HTRA4: variants seen among roughly 807,000 people sequenced by gnomAD.
HTRA4 encodes the protein HtrA serine peptidase 4.
In HTRA4, 46 loss-of-function variants were observed where a neutral mutation model predicts 49.1. The observed-to-expected ratio is 0.94, with a 90% CI of 0.74 to 1.20. The LOEUF is 1.20. HTRA4 is among the 50% of genes most tolerant of loss of function. The pLI is 0.00. For synonymous variants in HTRA4, 261 were observed against 264.0 expected, an observed-to-expected ratio of 0.99 and a Z score of 0.11; for missense variants, 602 against 636.9, an observed-to-expected ratio of 0.95 and a Z score of 0.59.
At chr8:38,975,736 C>T (rs1452345155) in intron 2 of HTRA4, among the ~76,000 whole-genome samples, 3 of 152,156 alleles carry the variant, frequency 2.0e-5, no homozygotes, top group African/African-American at 7.2e-5. Context: ...TGATCTTGCT[C>T]AGCCCCCACT....
intron 6 of HTRA4, among the ~76,000 whole-genome samples, chr8:38,982,040 G>A (rs534314321): frequency 3.9e-5 from 6 of 152,104 alleles, no homozygotes; most frequent in Admixed American, 1.3e-4. Context: ...TAGAGACGGG[G>A]TTTCACTATG....
At chr8:38,978,856 A>T (rs564710152) in intron 4 of HTRA4, among the ~76,000 whole-genome samples, 2 of 152,070 alleles carry the variant, frequency 1.3e-5, no homozygotes, top group Non-Finnish European at 1.5e-5. Flanking sequence ...TTAGCTGGGC[A>T]TGGTGGCGGG....
chr8:38,980,573 C>CAAAA (rs151157713), intron 5 of HTRA4, among the ~76,000 whole-genome samples: 1 of 137,748 alleles, frequency 7.3e-6, no homozygotes, highest in Admixed American at 7.2e-5. Context: ...ACCTAACATA[C>CAAAA]AAAAAAAAAA....
At chr8:38,984,513 A>C (rs2129427815) in intron 8 of HTRA4, among the ~76,000 whole-genome samples, 1 of 151,894 alleles carries the variant, frequency 6.6e-6, no homozygotes, top group South Asian at 2.1e-4. Context: ...TTGGGAGGCC[A>C]AAGTGGGCAG....
At chr8:38,984,593 A>G (rs1017083798) in intron 8 of HTRA4, among the ~76,000 whole-genome samples, 1 of 151,930 alleles carries the variant, frequency 6.6e-6, no homozygotes, top group African/African-American at 2.4e-5. Context: ...CTTAAAAAAT[A>G]TAAAAATTAG....
In HTRA4 at chr8:38,979,388, G is replaced by T. The variant is rs1265591198; in HGVS notation, c.999+141G>T. The T allele has an allele frequency of 1.0e-5, 8 of 789,784 alleles. No individual in the cohort carries two copies. In the African/African-American group the frequency reaches 1.4e-4, roughly 14 times the overall value. 48.9% of individuals were successfully genotyped at this position (789,784 alleles called of 1,614,324 possible). A position where few individuals can be genotyped will look rare whatever the true frequency, so the allele number is the denominator to read the frequency against. ...GCTTGGGGCCAGGAGTTTGAGACTAGCCTGGGCAAGACAGCAAGACACCAT... is the reference window on the plus strand; with the variant it reads ...GCTTGGGGCCAGGAGTTTGAGACTATCCTGGGCAAGACAGCAAGACACCAT... On this transcript the variant is annotated intron_variant, in intron 5 of 8. Coordinates refer to ENST00000302495, the MANE Select transcript of HTRA4 (RefSeq NM_153692.4).
chr8:38,977,266 CTTT>C (rs34914364), intron 3 of HTRA4, among the ~76,000 whole-genome samples: 2 of 141,384 alleles, frequency 1.4e-5, no homozygotes, highest in Non-Finnish European at 1.5e-5. Context: ...ATCAAGCAGT[CTTT>C]TTTTTTTTTT....
intron 8 of HTRA4, among the ~76,000 whole-genome samples, chr8:38,987,472 G>GGGGGT (rs1240934691): frequency 6.6e-6 from 1 of 151,898 alleles, no homozygotes; most frequent in East Asian, 1.9e-4. Flanking sequence ...GCTGGGGCGG[G>GGGGGT]GGGGTGGGGT....
chr8:38,975,073 T>A lies in HTRA4; in HGVS notation c.509T>A (p.Ile170Asn). The A allele has an allele frequency of 6.2e-7, 1 of 1,613,988 alleles. No homozygotes were observed. Among genetic ancestry groups the A allele is most frequent in the Non-Finnish European group, 8.5e-7 (1 of 1,180,014 alleles). The change falls in exon 2 of 9, where the codon ATC (isoleucine) becomes AAC (asparagine). Residue 170 changes from isoleucine (I) to asparagine (N), a missense_variant. Ile to Asn is a moderately radical substitution (Grantham distance 149). Transcript: ENST00000302495. The part of the protein sequence containing the change: ...AGPLRRNYNF[I>N]AAVVEKVAPS... The stretch of plus-strand genomic sequence containing the variant: ...CCGCTCAGGAGGAATTACAACTTCA[T>A]CGCCGCGGTGGTGGAGAAGGTGGCG...
chr8:38,980,274 G>GT (rs546665109), intron 5 of HTRA4, among the ~76,000 whole-genome samples: 1,644 of 139,882 alleles, frequency 0.012, 20 homozygotes, highest in African/African-American at 0.031. Context: ...CAAAATGATT[G>GT]TTTTTTTTTT....
Position 38,975,074 on chromosome 8 carries a change from C to T in HTRA4, c.510C>T (p.Ile170=). Residue 170 remains isoleucine (I), a synonymous_variant, in exon 2 of 9, where the codon ATC becomes ATT. Transcript: ENST00000302495. ...AGPLRRNYNF[I]AAVVEKVAPS... The stretch of plus-strand genomic sequence containing the variant: ...CGCTCAGGAGGAATTACAACTTCAT[C>T]GCCGCGGTGGTGGAGAAGGTGGCGC... 1 of 1,614,004 alleles carries T rather than the reference C, an allele frequency of 6.2e-7. No homozygotes were observed. Among genetic ancestry groups the T allele is most frequent in the South Asian group, 1.1e-5 (1 of 91,076 alleles).
intron 8 of HTRA4, among the ~76,000 whole-genome samples, chr8:38,983,757 T>G (rs1835452872): frequency 6.6e-6 from 1 of 152,044 alleles, no homozygotes; most frequent in Admixed American, 6.6e-5. Flanking sequence ...GTATGTGGCT[T>G]GCATTATTGT....
Position 38,974,638 on chromosome 8 carries a change from C to T in HTRA4, c.375C>T (p.Ser125=). 7.1e-7 allele frequency: 1 copy of T among 1,414,202 alleles called. No homozygotes were observed. The highest frequency in any genetic ancestry group is 9.1e-7 in the Non-Finnish European group (1 of 1,093,004). 87.6% of individuals were successfully genotyped at this position (1,414,202 alleles called of 1,614,324 possible). Residue 125 remains serine (S), a synonymous_variant, in exon 1 of 9, where the codon AGC becomes AGT. Transcript: ENST00000302495. ...GCAGCGACAGGCGCACCTACCCCAG[C>T]ATGTGCGCGCTCCGGGCCGAAAACC... is the stretch of plus-strand genomic sequence containing the variant. ...VCGSDRRTYP[S]MCALRAENRA...
rs1483767977 is a variant in HTRA4 at position 38,983,010 on chromosome 8, T to G, written c.1230T>G (p.Val410=). 1.9e-6 allele frequency: 3 copies of G among 1,613,948 alleles called. No homozygotes were observed. In the East Asian group the frequency reaches 6.7e-5, roughly 36 times the overall value. The change falls in exon 8 of 9, where the codon GTT becomes GTG. Residue 410 remains valine, a synonymous_variant. Coordinates refer to ENST00000302495, the MANE Select transcript of HTRA4 (RefSeq NM_153692.4). The part of the protein sequence containing the change: ...YPDFPDVSSG[V]YVCKVVEGTA... Reference sequence around the variant, plus strand: ...ATTTCCCTGATGTGAGTTCTGGGGTTTATGTATGTAAAGTGGTTGAAGGAA... The same window carrying G: ...ATTTCCCTGATGTGAGTTCTGGGGTGTATGTATGTAAAGTGGTTGAAGGAA...
At chr8:38,983,335 G>C (rs1457497532) in intron 8 of HTRA4, among the ~76,000 whole-genome samples, 2 of 152,216 alleles carry the variant, frequency 1.3e-5, no homozygotes, top group Non-Finnish European at 2.9e-5. Flanking sequence ...TCAGGAGTTT[G>C]AGACCAGCAT....
chr8:38,982,937 T>G lies in HTRA4; in HGVS notation c.1173-16T>G. The G allele has an allele frequency of 6.4e-7, 1 of 1,562,634 alleles. No individual in the cohort carries two copies. Among genetic ancestry groups the G allele is most frequent in the African/African-American group, 1.4e-5 (1 of 73,784 alleles). On this transcript the variant is annotated splice_polypyrimidine_tract_variant and intron_variant, in intron 7 of 8. Transcript: ENST00000302495. ...GAGACTAATTCATTGTTTCCTAATCTTCTCACTTCTCTTAGCCTTAGTGAA... is the reference window on the plus strand; with the variant it reads ...GAGACTAATTCATTGTTTCCTAATCGTCTCACTTCTCTTAGCCTTAGTGAA...
chr8:38,984,958 A>G (rs1835467047), intron 8 of HTRA4, among the ~76,000 whole-genome samples: 1 of 152,092 alleles, frequency 6.6e-6, no homozygotes, highest in Admixed American at 6.5e-5. Flanking sequence ...AAAACCTCAC[A>G]AAACCTACAT....
chr8:38,986,534 G>C (rs1034542814), intron 8 of HTRA4, among the ~76,000 whole-genome samples: 4 of 152,172 alleles, frequency 2.6e-5, no homozygotes, highest in African/African-American at 9.7e-5. Flanking sequence ...CTCCCAAAGT[G>C]CTGGGATTAC....
At chr8:38,985,963 A>G (rs1835478409) in intron 8 of HTRA4, among the ~76,000 whole-genome samples, 1 of 152,222 alleles carries the variant, frequency 6.6e-6, no homozygotes, top group Non-Finnish European at 1.5e-5. Flanking sequence ...ATTTGAAACC[A>G]GGAGTTTGAG....
Sources: gnomAD v4.1 joint callset for allele counts (sites outside exome capture counted in the v4.1 genomes callset) on GRCh38, gnomAD v4.1.1 for gene constraint, MANE v1.5 for transcripts, NCBI Gene and HGNC (gene_info 2026-07-23, HGNC 2026-07-21) for gene names.